The following NAALADL2 variants were observed in gnomAD, a reference collection of about 807,000 sequenced individuals.
The protein encoded by NAALADL2 is N-acetylated alpha-linked acidic dipeptidase like 2, also known as inactive N-acetylated-alpha-linked acidic dipeptidase-like protein 2.
In NAALADL2, 76 loss-of-function variants were observed where a neutral mutation model predicts 87.2. The observed-to-expected ratio is 0.87, with a 90% CI of 0.72 to 1.05. NAALADL2 has a LOEUF of 1.05. Ranked by LOEUF, NAALADL2 falls within the 50% of genes least tolerant of loss-of-function variation. The probability of loss-of-function intolerance (pLI) is 0.00; values close to 1 mark genes in which losing one functional copy is unlikely to be tolerated. For synonymous variants in NAALADL2, 354 were observed against 331.0 expected (o/e 1.07, Z -0.75); for missense variants, 1,089 against 945.8 (o/e 1.15, Z -1.99).
chr3:174,769,687 G>C (rs1272735157), intron 3 of NAALADL2, among the ~76,000 whole-genome samples: 1 of 34,574 alleles, frequency 2.9e-5, no homozygotes. Context: ...TCTATATTCT[G>C]TTTTCTCCAG....
intron 2 of NAALADL2, among the ~76,000 whole-genome samples, chr3:174,710,879 C>T (rs1293398198): frequency 1.3e-5 from 2 of 152,148 alleles, no homozygotes; most frequent in Non-Finnish European, 2.9e-5. Flanking sequence ...TTGCTATTTA[C>T]TGAGTATGAT....
intron 3 of NAALADL2, among the ~76,000 whole-genome samples, chr3:174,798,545 A>T (rs996079802): frequency 6.6e-6 from 1 of 152,162 alleles, no homozygotes; most frequent in African/African-American, 2.4e-5. Context: ...AACAATGTGG[A>T]GACTTGTGAT....
chr3:174,835,134 G>T (rs1380524099), intron 3 of NAALADL2, among the ~76,000 whole-genome samples: 1 of 151,952 alleles, frequency 6.6e-6, no homozygotes, highest in Non-Finnish European at 1.5e-5. Flanking sequence ...AGAAATAAAT[G>T]TACACATATA....
intron 2 of NAALADL2, among the ~76,000 whole-genome samples, chr3:174,563,743 A>G (rs1713903735): frequency 6.6e-6 from 1 of 152,122 alleles, no homozygotes; most frequent in South Asian, 2.1e-4. Flanking sequence ...TTGTGATTTA[A>G]TTACATTCTG....
intron 11 of NAALADL2, among the ~76,000 whole-genome samples, chr3:175,656,740 T>C (rs915731763): frequency 6.6e-6 from 1 of 150,514 alleles, no homozygotes; most frequent in African/African-American, 2.5e-5. Flanking sequence ...TGTGTGTGTA[T>C]GTGTGTGTGT....
intron 1 of NAALADL2, among the ~76,000 whole-genome samples, chr3:174,953,813 T>C (rs1420072697): frequency 6.6e-6 from 1 of 152,070 alleles, no homozygotes; most frequent in Admixed American, 6.6e-5. Flanking sequence ...ATTTCTATTG[T>C]TTCTCATGGA....
intron 1 of NAALADL2, among the ~76,000 whole-genome samples, chr3:175,044,176 A>C (rs759910348): frequency 2.6e-5 from 4 of 152,218 alleles, no homozygotes; most frequent in Non-Finnish European, 5.9e-5. Context: ...GCTTGTTCTT[A>C]GTGTGTAGAA....
chr3:175,659,160 G>T (rs779194508), intron 11 of NAALADL2, among the ~76,000 whole-genome samples: 9 of 152,048 alleles, frequency 5.9e-5, no homozygotes, highest in Non-Finnish European at 8.8e-5. Flanking sequence ...AAAATCATAT[G>T]CCTAACATAT....
At chr3:174,808,598 A>T (rs1011256597) in intron 3 of NAALADL2, among the ~76,000 whole-genome samples, 1 of 152,162 alleles carries the variant, frequency 6.6e-6, no homozygotes, top group Non-Finnish European at 1.5e-5. Context: ...ACATGCTGAG[A>T]TTCCCATCTT....
intron 2 of NAALADL2, among the ~76,000 whole-genome samples, chr3:174,719,506 C>T (rs1411655643): frequency 6.6e-6 from 1 of 152,164 alleles, no homozygotes; most frequent in African/African-American, 2.4e-5. Flanking sequence ...AAATGAAGGA[C>T]TTAGCAACCA....
intron 4 of NAALADL2, among the ~76,000 whole-genome samples, chr3:175,312,036 C>T (rs1193870024): frequency 6.6e-6 from 1 of 151,870 alleles, no homozygotes; most frequent in Non-Finnish European, 1.5e-5. Context: ...TTTTTTAAAA[C>T]TAACAAAGAA....
chr3:175,676,448 T>C (rs1313701555), intron 11 of NAALADL2: 1 of 152,250 alleles, frequency 6.6e-6, no homozygotes, highest in Non-Finnish European at 1.5e-5. Flanking sequence ...CTAGCTACTC[T>C]TGAGCTTGAA....
At chr3:175,661,931 G>A (rs916119724) in intron 11 of NAALADL2, among the ~76,000 whole-genome samples, 1 of 152,014 alleles carries the variant, frequency 6.6e-6, no homozygotes, top group Non-Finnish European at 1.5e-5. Flanking sequence ...GAAGCGTGAT[G>A]CCTTAAACTT....
At chr3:174,736,652 T>C (rs1242214269) in intron 2 of NAALADL2, among the ~76,000 whole-genome samples, 1 of 152,156 alleles carries the variant, frequency 6.6e-6, no homozygotes, top group Non-Finnish European at 1.5e-5. Flanking sequence ...GCATACTGAT[T>C]GGCTCATGGG....
intron 11 of NAALADL2, among the ~76,000 whole-genome samples, chr3:175,644,564 C>A (rs1031564789): frequency 6.6e-6 from 1 of 152,040 alleles, no homozygotes; most frequent in African/African-American, 2.4e-5. Flanking sequence ...GATGTATAGG[C>A]TTGTTTCTGG....
chr3:175,660,879 T>G (rs2151604), intron 11 of NAALADL2, among the ~76,000 whole-genome samples: 11,082 of 152,170 alleles, frequency 0.073, 607 homozygotes, highest in African/African-American at 0.14. Context: ...TGTGTATATA[T>G]GCCACATTTT....
chr3:175,133,568 G>A (rs577175161), intron 2 of NAALADL2, among the ~76,000 whole-genome samples: 42 of 152,264 alleles, frequency 2.8e-4, no homozygotes, highest in South Asian at 1.7e-3. Flanking sequence ...AAAAAAATAC[G>A]AAAACCAGTC....
chr3:175,036,219 G>A (rs968782254), intron 1 of NAALADL2, among the ~76,000 whole-genome samples: 1 of 151,920 alleles, frequency 6.6e-6, no homozygotes, highest in African/African-American at 2.4e-5. Context: ...TTACTCTGGT[G>A]TGTCTTCTGA....
chr3:175,293,075 G>C lies in NAALADL2; in HGVS notation c.940-31100G>C, dbSNP rs1002017491. On this transcript the variant is annotated intron_variant, in intron 4 of 13. Transcript: ENST00000454872. Reference sequence around the variant, plus strand: ...AAAAAAAAAAAAAAGGGGGAACTCGGTTATTGTTCTGAAAAGATTTAGTGT... The same window carrying C: ...AAAAAAAAAAAAAAGGGGGAACTCGCTTATTGTTCTGAAAAGATTTAGTGT... 6.7e-5 allele frequency among the ~76,000 whole-genome samples: 10 copies of C among 149,644 alleles called. 1 individual carries two copies. The highest frequency in any genetic ancestry group is 1.5e-4 in the Non-Finnish European group (10 of 67,716).
Sources: allele counts gnomAD v4.1 joint callset (sites outside exome capture counted in the v4.1 genomes callset), GRCh38; gene constraint gnomAD v4.1.1; transcripts MANE v1.5; gene names NCBI Gene and HGNC (gene_info 2026-07-23, HGNC 2026-07-21).